The following CBY3 variants were observed in gnomAD, a reference collection of about 807,000 sequenced individuals.
CBY3 encodes the protein sperm annulus positioning complex subunit Chibby3.
Under a neutral mutation model 3.0 loss-of-function variants are expected in CBY3, and 7 were observed. The ratio of observed to expected loss-of-function variants is 2.32; its 90% confidence interval spans 1.32 to 4.35. CBY3 has a LOEUF of 4.35. Ranked by LOEUF, CBY3 falls within the 30% of genes most tolerant of loss-of-function variation. CBY3 has a pLI of 0.00. For missense variants in CBY3, 400 were observed against 336.4 expected, an observed-to-expected ratio of 1.19 and a Z score of -1.48; for synonymous variants, 170 against 154.5, an observed-to-expected ratio of 1.10 and a Z score of -0.74.
intron 1 of CBY3, among the ~76,000 whole-genome samples, chr5:179,679,704 G>A (rs1299022810): frequency 6.6e-6 from 1 of 152,062 alleles, no homozygotes; most frequent in Non-Finnish European, 1.5e-5. Flanking sequence ...CGTTGCCCGA[G>A]CTGGAGTGCA....
Position 179,679,125 on chromosome 5 carries a change from A to T in CBY3, c.187T>A (p.Cys63Ser), listed in dbSNP as rs1397653593. Residue 63 changes from cysteine to serine, a missense_variant, in exon 2 of 2, where the codon TGC (cysteine) becomes AGC (serine). Physicochemically the swap from Cys to Ser is moderately radical, Grantham distance 112. Transcript: ENST00000376974. ...YKVHALATFE[C>S]SATSHASRLW... ...CGGCTGGCATGGCTCGTAGCCGAGC[A>T]CTCGAAGGTTGCCAGGGCGTGGACC... 2.6e-6 allele frequency: 4 copies of T among 1,535,498 alleles called. No homozygotes were observed. Among genetic ancestry groups the T allele is most frequent in the Non-Finnish European group, 3.5e-6 (4 of 1,146,840 alleles).
In CBY3 at chr5:179,678,724, G is replaced by A. The variant is rs1043464911; in HGVS notation, c.588C>T (p.Arg196=). The A allele has an allele frequency of 2.0e-6, 3 of 1,536,910 alleles. No individual in the cohort carries two copies. Among genetic ancestry groups the A allele is most frequent in the Non-Finnish European group, 2.6e-6 (3 of 1,146,736 alleles). ...LIDMLTETMA[R]MHLLEKQRNP... ...TGCGCTGCTTCTCCAGCAAGTGCAT[G>A]CGCGCCATGGTCTCAGTCAGCATGT... Residue 196 remains arginine (R), a synonymous_variant, in exon 2 of 2, where the codon CGC becomes CGT. Coordinates refer to ENST00000376974, the MANE Select transcript of CBY3 (RefSeq NM_001164444.2).
Position 179,679,781 on chromosome 5 carries a change from C to T in CBY3, c.47-516G>A, listed in dbSNP as rs545479238. 3.3e-5 allele frequency among the ~76,000 whole-genome samples: 5 copies of T among 152,104 alleles called. No individual in the cohort carries two copies. The East Asian group carries it at 9.7e-4, about 29-fold the overall frequency. Reference sequence around the variant, plus strand: ...TCCAGCAGTTCTCCTGCCTCAGCCTCTTGAGTAGCTGAGATTACAGGCGCC... The same window carrying T: ...TCCAGCAGTTCTCCTGCCTCAGCCTTTTGAGTAGCTGAGATTACAGGCGCC... On this transcript the variant is annotated intron_variant, in intron 1 of 1. Coordinates refer to ENST00000376974, the MANE Select transcript of CBY3 (RefSeq NM_001164444.2).
chr5:179,679,268 G>T lies in CBY3; in HGVS notation c.47-3C>A. 2 of 1,519,498 alleles carry T rather than the reference G, an allele frequency of 1.3e-6. No individual in the cohort carries two copies. The highest frequency in any genetic ancestry group is 1.8e-6 in the Non-Finnish European group (2 of 1,138,290). The allele number at this position is 1,519,498 out of a possible 1,614,324, so 94.1% of individuals were successfully genotyped here. On this transcript the variant is annotated splice_region_variant and splice_polypyrimidine_tract_variant and intron_variant, in intron 1 of 1. Transcript: ENST00000376974. ...TGAAGGCGAGCCAGGGGGCGCTGCT[G>T]GGAGACAAGAGTCCGGGTGAGCAGC...
chr5:179,678,827 G>C lies in CBY3; in HGVS notation c.485C>G (p.Ala162Gly). The C allele has an allele frequency of 2.0e-6, 3 of 1,536,984 alleles. No homozygotes were observed. Among genetic ancestry groups the C allele is most frequent in the Non-Finnish European group, 2.6e-6 (3 of 1,146,738 alleles). ...TTGGCTTTTGGACCGCTGCACCTGC[G>C]CCTTCCAGCCCCAGGCGGTCCGCGA... The part of the protein sequence containing the change: ...LLSRTAWGWK[A>G]QVQRSKSQVL... The change falls in exon 2 of 2, where the codon GCG becomes GGG. Residue 162 changes from alanine to glycine, a missense_variant. By Grantham distance (60) the Ala-to-Gly change is moderately conservative (BLOSUM62 0). Transcript: ENST00000376974.
chr5:179,679,016 G>A lies in CBY3; in HGVS notation c.296C>T (p.Pro99Leu), dbSNP rs1229801303. Residue 99 changes from proline to leucine, a missense_variant, in exon 2 of 2, where the codon CCC becomes CTC. Pro to Leu is a moderately conservative substitution (Grantham distance 98). Transcript: ENST00000376974. Reference protein sequence around the residue: ...SPRRPPLRRMPSLSTFYLLDH... With the variant: ...SPRRPPLRRMLSLSTFYLLDH... ...CAGCAGGTAGAAGGTGGACAGGGAG[G>A]GCATGCGGCGCAGTGGCGGCCGCCG... The A allele has an allele frequency of 7.8e-6, 12 of 1,535,584 alleles. No individual in the cohort carries two copies. Among genetic ancestry groups the A allele is most frequent in the Middle Eastern group, 1.7e-4 (1 of 5,984 alleles).
chr5:179,679,462 G>A (rs1157084257), intron 1 of CBY3, among the ~76,000 whole-genome samples, 197 bp from the exon 2 acceptor site: 1 of 152,168 alleles, frequency 6.6e-6, no homozygotes, highest in African/African-American at 2.4e-5. Context: ...GACCACTGAG[G>A]ATCAGGCCCT....
At position 179,678,768 on chromosome 5, in the gene CBY3, GC is replaced by G. The variant is rs1775969427; in HGVS notation, c.543del (p.Gln182SerfsTer6). 1 of 1,536,984 alleles carries G rather than the reference GC, an allele frequency of 6.5e-7. No individual in the cohort carries two copies. Among genetic ancestry groups the G allele is most frequent in the African/African-American group, 1.4e-5 (1 of 73,050 alleles). ...AGCATGTCTATGAGCAGTTCCTGCT[GC>G]AGCTTCAGGTAGTTGTTCTCCTCCA... ...VLLEENNYLK[L>X]QQELLIDMLT... On this transcript the variant is annotated frameshift_variant, in exon 2 of 2. Coordinates refer to ENST00000376974, the MANE Select transcript of CBY3 (RefSeq NM_001164444.2). LOFTEE classifies it low-confidence loss of function (END_TRUNC).
intron 1 of CBY3, among the ~76,000 whole-genome samples, chr5:179,679,641 A>T (rs1056609686): frequency 1.3e-5 from 2 of 152,074 alleles, no homozygotes; most frequent in Non-Finnish European, 2.9e-5. Flanking sequence ...AGGCAGAGGG[A>T]AGAGCCGAGC....
In CBY3 at chr5:179,681,027, C is replaced by T; in HGVS notation, c.-109G>A. 4 of 972,122 alleles carry T rather than the reference C, an allele frequency of 4.1e-6. No homozygotes were observed. The highest frequency in any genetic ancestry group is 4.7e-6 in the Non-Finnish European group (3 of 639,768). 60.2% of individuals were successfully genotyped at this position (972,122 alleles called of 1,614,324 possible). Reference sequence around the variant, plus strand: ...GGGGTGGAGTTGCTGAGCTGCTGTCCCAGGGCTAGTCCCATCTCTGACCCA... The same window carrying T: ...GGGGTGGAGTTGCTGAGCTGCTGTCTCAGGGCTAGTCCCATCTCTGACCCA... On this transcript the variant is annotated 5_prime_UTR_variant, in exon 1 of 2. Transcript: ENST00000376974.
In CBY3 at chr5:179,678,742, C is replaced by T; in HGVS notation, c.570G>A (p.Leu190=). The T allele has an allele frequency of 3.9e-6, 6 of 1,537,072 alleles. No individual in the cohort carries two copies. Among genetic ancestry groups the T allele is most frequent in the Non-Finnish European group, 5.2e-6 (6 of 1,146,762 alleles). The change falls in exon 2 of 2, where the codon CTG becomes CTA. Residue 190 remains leucine (L), a synonymous_variant. Coordinates refer to ENST00000376974, the MANE Select transcript of CBY3 (RefSeq NM_001164444.2). ...AGTGCATGCGCGCCATGGTCTCAGTCAGCATGTCTATGAGCAGTTCCTGCT... is the reference window on the plus strand; with the variant it reads ...AGTGCATGCGCGCCATGGTCTCAGTTAGCATGTCTATGAGCAGTTCCTGCT... ...KLQQELLIDM[L]TETMARMHLL... is the part of the protein sequence containing the mutation.
rs1419261221 is a variant in CBY3, at chr5:179,678,680, G to C, written c.632C>G (p.Thr211Arg). ...CCTCTGCCCGGCGCGCGCCGCAGCC[G>C]TCGGGATCACCTCGGGGTTGCGCTG... is the stretch of plus-strand genomic sequence containing the variant. Reference protein sequence around the residue: ...EKQRNPEVIPTAAARAGQRKM... With the variant: ...EKQRNPEVIPRAAARAGQRKM... Residue 211 changes from threonine to arginine, a missense_variant, in exon 2 of 2, where the codon ACG becomes AGG. Coordinates refer to ENST00000376974, the MANE Select transcript of CBY3 (RefSeq NM_001164444.2). 2.2e-5 allele frequency: 34 copies of C among 1,535,936 alleles called. No individual in the cohort carries two copies. Among genetic ancestry groups the C allele is most frequent in the Non-Finnish European group, 3.0e-5 (34 of 1,146,210 alleles).
chr5:179,678,979 C>T lies in CBY3; in HGVS notation c.333G>A (p.Thr111=), dbSNP rs1157402286. ...AGGCGAGGCCCAGCTCGGCCTGGCG[C>T]GTGTTGTGGTCCAGCAGGTAGAAGG... ...LSTFYLLDHN[T]RQAELGLAYG... is the part of the protein sequence containing the mutation. The change falls in exon 2 of 2, where the codon ACG becomes ACA. Residue 111 remains threonine, a synonymous_variant. Transcript: ENST00000376974. The T allele has an allele frequency of 6.5e-7, 1 of 1,535,906 alleles. No individual in the cohort carries two copies. The highest frequency in any genetic ancestry group is 8.7e-7 in the Non-Finnish European group (1 of 1,146,468).
In CBY3 at chr5:179,678,641, C is replaced by T. The variant is rs1293896198; in HGVS notation, c.671G>A (p.Arg224His). The T allele has an allele frequency of 1.3e-6, 2 of 1,533,532 alleles. No individual in the cohort carries two copies. The highest frequency in any genetic ancestry group is 1.4e-5 in the African/African-American group (1 of 73,040). The allele number at this position is 1,533,532 out of a possible 1,614,324, so 95.0% of individuals were successfully genotyped here. ...GAGCACGCCCGCGCTGGCGCCTGCGCGCTTGCGCATCTTCCTCTGCCCGGC... is the reference window on the plus strand; with the variant it reads ...GAGCACGCCCGCGCTGGCGCCTGCGTGCTTGCGCATCTTCCTCTGCCCGGC... ...ARAGQRKMRK[R>H]AGASAGVLMI... Residue 224 changes from arginine to histidine, a missense_variant, in exon 2 of 2, where the codon CGC (arginine) becomes CAC (histidine). Arg to His is a conservative substitution (Grantham distance 29). Coordinates refer to ENST00000376974, the MANE Select transcript of CBY3 (RefSeq NM_001164444.2).
chr5:179,679,719 C>T (rs1358915136), intron 1 of CBY3, among the ~76,000 whole-genome samples: 1 of 151,930 alleles, frequency 6.6e-6, no homozygotes, highest in East Asian at 1.9e-4. Context: ...AGTGCAATTG[C>T]GCGATCTTGG....
chr5:179,680,844 T>C (rs1301997879), intron 1 of CBY3, 29 bp downstream of exon 1: 2 of 1,524,126 alleles, frequency 1.3e-6, no homozygotes, highest in South Asian at 1.2e-5. Flanking sequence ...CCCTCACATA[T>C]AGGTGGACAG....
At chr5:179,679,350 G>T in intron 1 of CBY3, 85 bp from the exon 2 acceptor site, 2 of 1,170,550 alleles carry the variant, frequency 1.7e-6, no homozygotes, top group Non-Finnish European at 2.3e-6. Flanking sequence ...TCTTAGCCCT[G>T]CAGCTACGGC....
chr5:179,678,635 C>T lies in CBY3; in HGVS notation c.677G>A (p.Gly226Asp). 1.3e-6 allele frequency: 2 copies of T among 1,533,202 alleles called. No individual in the cohort carries two copies. Among genetic ancestry groups the T allele is most frequent in the Non-Finnish European group, 1.7e-6 (2 of 1,144,408 alleles). 95.0% of individuals were successfully genotyped at this position (1,533,202 alleles called of 1,614,324 possible). A position where few individuals can be genotyped will look rare whatever the true frequency, so the allele number is the denominator to read the frequency against. ...AGQRKMRKRA[G>D]ASAGVLMIQP... ...GATCATGAGCACGCCCGCGCTGGCG[C>T]CTGCGCGCTTGCGCATCTTCCTCTG... The change falls in exon 2 of 2, where the codon GGC (glycine) becomes GAC (aspartate). Residue 226 changes from glycine to aspartate, a missense_variant. Coordinates refer to ENST00000376974, the MANE Select transcript of CBY3 (RefSeq NM_001164444.2).
intron 1 of CBY3, 57 bp downstream of exon 1, chr5:179,680,816 A>C (rs2127761378): frequency 2.1e-6 from 3 of 1,397,280 alleles, no homozygotes; most frequent in Non-Finnish European, 2.9e-6. Context: ...TGCCTTCGTT[A>C]ATTCATAATA....
Sources: allele counts gnomAD v4.1 joint callset (sites outside exome capture counted in the v4.1 genomes callset), GRCh38; gene constraint gnomAD v4.1.1; transcripts MANE v1.5; gene names NCBI Gene and HGNC (gene_info 2026-07-23, HGNC 2026-07-21).